Variants in CCAR1 observed in about 807,000 individuals in gnomAD.
The protein encoded by CCAR1 is cell division cycle and apoptosis regulator 1.
In CCAR1, 78 loss-of-function variants were observed where a neutral mutation model predicts 163.8. The ratio of observed to expected loss-of-function variants is 0.48; its 90% CI spans 0.40 to 0.57. The LOEUF is 0.57. Ranked by LOEUF, CCAR1 falls within the 20% of genes least tolerant of loss-of-function variation. CCAR1 has a pLI of 0.00. For synonymous variants in CCAR1, 443 were observed against 460.7 expected, an observed-to-expected ratio of 0.96 and a Z score of 0.49; for missense variants, 1,019 against 1,365.2, an observed-to-expected ratio of 0.75 and a Z score of 4.00.
chr10:68,760,344 T>C (rs915815085), intron 15 of CCAR1, among the ~76,000 whole-genome samples: 2 of 152,156 alleles, frequency 1.3e-5, no homozygotes, highest in African/African-American at 4.8e-5. Context: ...CTTCCCTTTT[T>C]TGGAGGGAGG....
At chr10:68,730,747 A>G (rs1171067928) in intron 2 of CCAR1, among the ~76,000 whole-genome samples, 1 of 152,152 alleles carries the variant, frequency 6.6e-6, no homozygotes, top group Non-Finnish European at 1.5e-5. Flanking sequence ...GCCGGAGTAC[A>G]GTGGTGCAGT....
intron 17 of CCAR1, among the ~76,000 whole-genome samples, chr10:68,770,408 A>G (rs966667839): frequency 1.5e-4 from 23 of 152,132 alleles, no homozygotes; most frequent in African/African-American, 5.6e-4. Flanking sequence ...TTGACTTAAA[A>G]CTTATTGAGT....
chr10:68,757,508 G>A (rs2056410155), intron 15 of CCAR1, 131 bp downstream of exon 15: 1 of 493,532 alleles, frequency 2.0e-6, no homozygotes, highest in Admixed American at 3.5e-5. Context: ...TCTGCCTCCT[G>A]GGTTCAGTAG....
chr10:68,769,993 T>G (rs1415893446), intron 17 of CCAR1, among the ~76,000 whole-genome samples: 1 of 151,812 alleles, frequency 6.6e-6, no homozygotes, highest in East Asian at 1.9e-4. Flanking sequence ...GCGTATGCTA[T>G]AGCCCATTAT....
chr10:68,786,064 C>T, intron 19 of CCAR1, 72 bp from the exon 20 acceptor site: 2 of 977,858 alleles, frequency 2.0e-6, no homozygotes, highest in Non-Finnish European at 3.2e-6. Context: ...GGATAACAGT[C>T]ATGTGCCACT....
rs776819001 is a variant in CCAR1 at position 68,778,951 on chromosome 10, A to G, written c.2650+5852A>G. 8.1e-4 allele frequency among the ~76,000 whole-genome samples: 124 copies of G among 152,302 alleles called. 1 individual carries two copies. Among genetic ancestry groups the G allele is most frequent in the Middle Eastern group, 3.4e-3 (1 of 294 alleles). On this transcript the variant is annotated intron_variant, in intron 19 of 24. Coordinates refer to ENST00000265872, the MANE Select transcript of CCAR1 (RefSeq NM_018237.4). Reference sequence around the variant, plus strand: ...CTCCAACCTCCGCCTCCCGGATTCAAGCAATTCTTCTGTCTCAGCCTCCTG... The same window carrying G: ...CTCCAACCTCCGCCTCCCGGATTCAGGCAATTCTTCTGTCTCAGCCTCCTG...
chr10:68,749,827 A>G (rs987370869), intron 10 of CCAR1, 142 bp downstream of exon 10: 8 of 697,894 alleles, frequency 1.1e-5, no homozygotes, highest in African/African-American at 1.8e-5. Context: ...GCAATTTGAA[A>G]TAACTTAATT....
In CCAR1 at chr10:68,782,575, G is replaced by C. The variant is rs561119922; in HGVS notation, c.2651-3561G>C. ...TCTTAAGACTTTCACAGCTAGAGAAGAGCATTCAGTGCCTGGCTTCAAAGG... is the reference window on the plus strand; with the variant it reads ...TCTTAAGACTTTCACAGCTAGAGAACAGCATTCAGTGCCTGGCTTCAAAGG... On this transcript the variant is annotated intron_variant, in intron 19 of 24. Coordinates refer to ENST00000265872, the MANE Select transcript of CCAR1 (RefSeq NM_018237.4). 3.3e-5 allele frequency among the ~76,000 whole-genome samples: 5 copies of C among 152,332 alleles called. No individual in the cohort carries two copies. The South Asian group carries it at 1.0e-3, about 32-fold the overall frequency.
Position 68,786,023 on chromosome 10 carries a change from C to T in CCAR1, c.2651-113C>T, listed in dbSNP as rs371335765. ...AGTGGTATAGTCATAGCTCACTACA[C>T]CCTCGAACGCCTGGCCCTCCTGAGT... is the stretch of plus-strand genomic sequence containing the variant. On this transcript the variant is annotated intron_variant, in intron 19 of 24. Coordinates refer to ENST00000265872, the MANE Select transcript of CCAR1 (RefSeq NM_018237.4). The T allele has an allele frequency of 2.8e-5, 19 of 682,902 alleles. No homozygotes were observed. The East Asian group carries it at 3.5e-4, about 13-fold the overall frequency. The allele number at this position is 682,902 out of a possible 1,614,324, so 42.3% of individuals were successfully genotyped here.
intron 17 of CCAR1, among the ~76,000 whole-genome samples, chr10:68,768,118 A>C (rs1050777707): frequency 6.6e-6 from 1 of 152,196 alleles, no homozygotes; most frequent in African/African-American, 2.4e-5. Flanking sequence ...GGTAAGATGA[A>C]AATCAAGGAT....
chr10:68,767,816 G>A (rs2056554585), intron 17 of CCAR1, among the ~76,000 whole-genome samples: 1 of 152,192 alleles, frequency 6.6e-6, no homozygotes, highest in African/African-American at 2.4e-5. Flanking sequence ...ATTTCACCTA[G>A]CCTGTATCAT....
At chr10:68,770,285 A>C (rs2056585868) in intron 17 of CCAR1, among the ~76,000 whole-genome samples, 1 of 152,156 alleles carries the variant, frequency 6.6e-6, no homozygotes, top group Non-Finnish European at 1.5e-5. Context: ...CAGAGACTTC[A>C]TGATTTGGTT....
chr10:68,758,438 G>A (rs1236302344), intron 15 of CCAR1, among the ~76,000 whole-genome samples: 6 of 151,164 alleles, frequency 4.0e-5, no homozygotes, highest in Non-Finnish European at 7.4e-5. Flanking sequence ...TCCTGTAGTC[G>A]CAGCACTTTG....
chr10:68,734,685 C>T (rs2133317313), intron 2 of CCAR1, among the ~76,000 whole-genome samples: 1 of 152,198 alleles, frequency 6.6e-6, no homozygotes, highest in South Asian at 2.1e-4. Flanking sequence ...AGCGTAAATG[C>T]ATTTAATTCC....
intron 10 of CCAR1, among the ~76,000 whole-genome samples, chr10:68,752,066 G>A (rs1265440559): frequency 6.6e-6 from 1 of 150,758 alleles, no homozygotes. Context: ...ACAGGCGCCC[G>A]CTACCACGCC....
At chr10:68,736,834 T>C (rs1202269051) in intron 2 of CCAR1, 42 bp from the exon 3 acceptor site, 12 of 1,563,388 alleles carry the variant, frequency 7.7e-6, no homozygotes, top group Non-Finnish European at 9.6e-6. Flanking sequence ...TATATTCTTC[T>C]TAATCTTGAT....
rs1157823502 is a variant in CCAR1 at position 68,791,227 on chromosome 10, C to T, written c.3414C>T (p.Asp1138=). 6.3e-7 allele frequency: 1 copy of T among 1,594,278 alleles called. No homozygotes were observed. The highest frequency in any genetic ancestry group is 1.3e-5 in the African/African-American group (1 of 74,224). ...TATAGGATAATGTAAAGAATGAAGA[C>T]AAAGATCAAAAATCCAAGGAGAATG... ...VLKKDNVKNE[D]KDQKSKENGA... is the part of the protein sequence containing the mutation. The change falls in exon 25 of 25, where the codon GAC becomes GAT. Residue 1138 remains aspartate, a synonymous_variant. Transcript: ENST00000265872.
intron 2 of CCAR1, among the ~76,000 whole-genome samples, chr10:68,729,157 G>A (rs2055994435): frequency 6.6e-6 from 1 of 152,104 alleles, no homozygotes; most frequent in Admixed American, 6.6e-5. Context: ...TTGGTGGGTA[G>A]TGAATTGGAC....
rs138269834 is a variant in CCAR1 at position 68,721,431 on chromosome 10, G to C, written c.-51+149G>C. The C allele has an allele frequency of 4.5e-3, 1,366 of 305,244 alleles. 90 individuals carry two copies. The Admixed American group carries it at 0.063, about 14-fold the overall frequency. 18.9% of individuals were successfully genotyped at this position (305,244 alleles called of 1,614,324 possible). ...GGTGGGGCTCTTGTGGGACTGGGACGGGAGGGACGCGGTCCCTTTTGTGCG... is the reference window on the plus strand; with the variant it reads ...GGTGGGGCTCTTGTGGGACTGGGACCGGAGGGACGCGGTCCCTTTTGTGCG... On this transcript the variant is annotated intron_variant, in intron 1 of 24. Coordinates refer to ENST00000265872, the MANE Select transcript of CCAR1 (RefSeq NM_018237.4).
Sources: allele counts gnomAD v4.1 joint callset (sites outside exome capture counted in the v4.1 genomes callset), GRCh38; gene constraint gnomAD v4.1.1; transcripts MANE v1.5; gene names NCBI Gene and HGNC (gene_info 2026-07-23, HGNC 2026-07-21).